The following ST18 variants were observed in gnomAD, a reference collection of about 807,000 sequenced individuals.
ST18 encodes the protein suppression of tumorigenicity 18 protein.
In ST18, 50 loss-of-function variants were observed where a neutral mutation model predicts 110.0. That is an observed-to-expected ratio of 0.45 (90% confidence interval 0.36 to 0.58). ST18 has a LOEUF of 0.58. Ranked by LOEUF, ST18 falls within the 20% of genes least tolerant of loss-of-function variation. ST18 has a pLI of 0.00. For missense variants in ST18, 1,306 were observed against 1,280.1 expected, an observed-to-expected ratio of 1.02 and a Z score of -0.31; for synonymous variants, 461 against 452.4, an observed-to-expected ratio of 1.02 and a Z score of -0.24.
At chr8:52,396,068 AG>A (rs1290867442) in intron 2 of ST18, among the ~76,000 whole-genome samples, 1 of 152,186 alleles carries the variant, frequency 6.6e-6, no homozygotes, top group African/African-American at 2.4e-5. Context: ...GTGATATTAT[AG>A]GAAACATATA....
At chr8:52,371,872 C>A (rs1239806922) in intron 2 of ST18, among the ~76,000 whole-genome samples, 1 of 152,132 alleles carries the variant, frequency 6.6e-6, no homozygotes, top group Non-Finnish European at 1.5e-5. Context: ...AAAGGTCTAG[C>A]ACATACTGTT....
intron 25 of ST18, among the ~76,000 whole-genome samples, chr8:52,114,525 A>G (rs1415234225): frequency 6.6e-6 from 1 of 152,114 alleles, no homozygotes; most frequent in African/African-American, 2.4e-5. Flanking sequence ...CTATTTAAGG[A>G]AATAAGCTTT....
At chr8:52,231,763 C>CCT (rs751145465) in intron 2 of ST18, among the ~76,000 whole-genome samples, 1,557 of 152,348 alleles carry the variant, frequency 0.01, 14 homozygotes, top group Admixed American at 0.016. Context: ...GTGTGAGCTG[C>CCT]AGTGCCCGGC....
intron 9 of ST18, among the ~76,000 whole-genome samples, chr8:52,176,393 C>A (rs1322813313): frequency 6.6e-6 from 1 of 152,146 alleles, no homozygotes; most frequent in African/African-American, 2.4e-5. Context: ...CATGACCAAA[C>A]AAAAACTAAA....
intron 2 of ST18, among the ~76,000 whole-genome samples, chr8:52,287,323 G>C (rs1365020319): frequency 6.6e-6 from 1 of 152,054 alleles, no homozygotes; most frequent in Non-Finnish European, 1.5e-5. Flanking sequence ...AAATTATCTG[G>C]GTAATTTTTC....
intron 2 of ST18, among the ~76,000 whole-genome samples, chr8:52,231,290 C>T (rs936814611): frequency 1.3e-5 from 2 of 152,208 alleles, no homozygotes; most frequent in Non-Finnish European, 2.9e-5. Context: ...TTAAGCATCT[C>T]TTCCCTCCTT....
chr8:52,246,875 C>T (rs543332523), intron 2 of ST18, among the ~76,000 whole-genome samples: 3 of 152,244 alleles, frequency 2.0e-5, no homozygotes, highest in East Asian at 3.9e-4. Context: ...ATCACTCTTG[C>T]CCCCATCTAA....
At chr8:52,161,243 A>AAT (rs748697961) in intron 14 of ST18, 132 bp downstream of exon 14, 59 of 837,282 alleles carry the variant, frequency 7.0e-5, no homozygotes, top group South Asian at 5.1e-4. Flanking sequence ...ATTTCACTTG[A>AAT]ATATATTTTC....
At chr8:52,285,566 AG>A (rs2095456712) in intron 2 of ST18, among the ~76,000 whole-genome samples, 1 of 152,212 alleles carries the variant, frequency 6.6e-6, no homozygotes, top group Non-Finnish European at 1.5e-5. Flanking sequence ...TCTAAGTCCA[AG>A]AAAAAGGTGG....
chr8:52,385,147 A>T (rs950915536), intron 2 of ST18, among the ~76,000 whole-genome samples: 1 of 152,182 alleles, frequency 6.6e-6, no homozygotes, highest in Non-Finnish European at 1.5e-5. Context: ...CTGATTGACG[A>T]GACTGAACTA....
chr8:52,223,745 A>G (rs1465130241), intron 3 of ST18, among the ~76,000 whole-genome samples: 1 of 152,162 alleles, frequency 6.6e-6, no homozygotes, highest in African/African-American at 2.4e-5. Flanking sequence ...AAGGGCAAGT[A>G]AGTTTAACAT....
At chr8:52,393,841 C>A (rs746336520) in intron 2 of ST18, 2 of 149,154 alleles carry the variant, frequency 1.3e-5, no homozygotes, top group Non-Finnish European at 2.9e-5. Context: ...TGAGACTGTG[C>A]CATTGTACTC....
At chr8:52,205,536 T>A (rs1040729104) in intron 8 of ST18, among the ~76,000 whole-genome samples, 18 of 152,238 alleles carry the variant, frequency 1.2e-4, no homozygotes, top group African/African-American at 4.3e-4. Flanking sequence ...AGTAGTCTGT[T>A]TTTTTAAAAA....
intron 5 of ST18, among the ~76,000 whole-genome samples, chr8:52,218,321 T>C (rs1354740680): frequency 6.6e-6 from 1 of 151,856 alleles, no homozygotes; most frequent in Non-Finnish European, 1.5e-5. Flanking sequence ...TGAAAACCCT[T>C]ATAAAATTAA....
chr8:52,387,804 A>G (rs2140931725), intron 2 of ST18, among the ~76,000 whole-genome samples: 1 of 152,222 alleles, frequency 6.6e-6, no homozygotes, highest in Non-Finnish European at 1.5e-5. Flanking sequence ...ATGTTTTTTT[A>G]AAAGAAAAGA....
chr8:52,166,838 C>A lies in ST18; in HGVS notation c.1204+14G>T. On this transcript the variant is annotated intron_variant, in intron 11 of 25. Coordinates refer to ENST00000689386, the MANE Select transcript of ST18 (RefSeq NM_001352837.2). The stretch of plus-strand genomic sequence containing the variant: ...GTGCATAAGCAGAAGCTTTGAGGGA[C>A]AAGTGGTACTCACTTTCCAGGGGAA... 6.4e-7 allele frequency: 1 copy of A among 1,558,102 alleles called. No individual in the cohort carries two copies. Among genetic ancestry groups the A allele is most frequent in the South Asian group, 1.2e-5 (1 of 84,226 alleles).
At chr8:52,261,455 T>C (rs547011258) in intron 2 of ST18, among the ~76,000 whole-genome samples, 1 of 152,336 alleles carries the variant, frequency 6.6e-6, no homozygotes, top group South Asian at 2.1e-4. Flanking sequence ...TTCACTGCTG[T>C]AGGATTCAAG....
intron 2 of ST18, among the ~76,000 whole-genome samples, chr8:52,385,146 G>A (rs938171094): frequency 2.0e-5 from 3 of 152,116 alleles, no homozygotes; most frequent in Non-Finnish European, 2.9e-5. Flanking sequence ...TCTGATTGAC[G>A]AGACTGAACT....
chr8:52,209,770 CAAAAAAAA>C (rs1172620781), intron 8 of ST18, among the ~76,000 whole-genome samples: 1 of 71,884 alleles, frequency 1.4e-5, no homozygotes, highest in Non-Finnish European at 2.8e-5. Flanking sequence ...AACTCCATCT[CAAAAAAAA>C]AAAAAAAAAA....
Sources: gnomAD v4.1 joint callset for allele counts (sites outside exome capture counted in the v4.1 genomes callset) on GRCh38, gnomAD v4.1.1 for gene constraint, MANE v1.5 for transcripts, NCBI Gene and HGNC (gene_info 2026-07-23, HGNC 2026-07-21) for gene names.